TMEM117: variants seen among roughly 807,000 people sequenced by gnomAD.
The protein encoded by TMEM117 is transmembrane protein 117.
A neutral mutation model predicts 52.4 loss-of-function variants in TMEM117; 27 were observed. That is an observed-to-expected ratio of 0.51 (90% CI 0.38 to 0.71). The LOEUF (loss-of-function observed/expected upper bound fraction) is 0.71, where lower values mean the gene tolerates loss of function less well. Ranked by LOEUF, TMEM117 falls within the 30% of genes least tolerant of loss-of-function variation. TMEM117 has a pLI of 0.00. For missense variants in TMEM117, 556 were observed against 630.5 expected (o/e 0.88, Z 1.26); for synonymous variants, 215 against 206.3 (o/e 1.04, Z -0.36).
intron 4 of TMEM117, among the ~76,000 whole-genome samples, chr12:44,144,808 GA>G (rs112124530): frequency 0.02 from 3,027 of 152,300 alleles, 84 homozygotes; most frequent in East Asian, 0.057. Flanking sequence ...GTAATCTCTA[GA>G]AATAGCAATT....
At chr12:44,004,749 C>G (rs551330182) in intron 3 of TMEM117, among the ~76,000 whole-genome samples, 2 of 152,228 alleles carry the variant, frequency 1.3e-5, no homozygotes, top group East Asian at 3.9e-4. Context: ...CCATCACCTC[C>G]CCTCCATTTT....
intron 2 of TMEM117, among the ~76,000 whole-genome samples, chr12:43,901,700 C>T (rs1330968054): frequency 6.6e-6 from 1 of 152,166 alleles, no homozygotes; most frequent in Non-Finnish European, 1.5e-5. Flanking sequence ...AGCAGAGCAT[C>T]ACAGCGCTAC....
intron 3 of TMEM117, among the ~76,000 whole-genome samples, chr12:44,042,533 C>G (rs1311256737): frequency 2.0e-5 from 3 of 151,912 alleles, no homozygotes; most frequent in South Asian, 2.1e-4. Flanking sequence ...CTGGTGGGCA[C>G]CATCTAATCA....
chr12:43,897,347 T>G (rs918376257), intron 2 of TMEM117, among the ~76,000 whole-genome samples: 1 of 150,712 alleles, frequency 6.6e-6, no homozygotes, highest in Admixed American at 6.6e-5. Flanking sequence ...AGTCTCACAT[T>G]GTCACCTGGG....
At chr12:43,888,431 G>A (rs1944038087) in intron 2 of TMEM117, among the ~76,000 whole-genome samples, 1 of 152,012 alleles carries the variant, frequency 6.6e-6, no homozygotes, top group African/African-American at 2.4e-5. Context: ...CAGTGCGAAT[G>A]AATTGCTTAT....
At chr12:43,898,247 T>A (rs1944244259) in intron 2 of TMEM117, among the ~76,000 whole-genome samples, 1 of 152,064 alleles carries the variant, frequency 6.6e-6, no homozygotes, top group South Asian at 2.1e-4. Flanking sequence ...TTCTTGTGAC[T>A]TTATTTCCTG....
At chr12:44,364,732 C>G (rs1242772048) in intron 6 of TMEM117, among the ~76,000 whole-genome samples, 2 of 151,964 alleles carry the variant, frequency 1.3e-5, no homozygotes, top group Non-Finnish European at 2.9e-5. Flanking sequence ...GGTTTCTATG[C>G]CAAAAAATGT....
the TMEM117 span, among the ~76,000 whole-genome samples, chr12:43,813,738 C>G: frequency 1.3e-5 from 2 of 152,112 alleles, no homozygotes; most frequent in African/African-American, 4.8e-5. Flanking sequence ...GTGAACTGTT[C>G]TTTCACAAAC....
At chr12:44,326,224 C>G (rs565648409) in intron 6 of TMEM117, among the ~76,000 whole-genome samples, 1 of 151,974 alleles carries the variant, frequency 6.6e-6, no homozygotes, top group African/African-American at 2.4e-5. Context: ...AAAAAAGAAC[C>G]CTGGCTTCTG....
At chr12:44,256,572 A>G (rs563661298) in intron 5 of TMEM117, among the ~76,000 whole-genome samples, 1 of 152,218 alleles carries the variant, frequency 6.6e-6, no homozygotes, top group Admixed American at 6.6e-5. Flanking sequence ...TTGCTGCTAT[A>G]GATTACTATG....
At chr12:43,948,869 A>G (rs2137628716) in intron 3 of TMEM117, among the ~76,000 whole-genome samples, 1 of 152,114 alleles carries the variant, frequency 6.6e-6, no homozygotes, top group South Asian at 2.1e-4. Context: ...GAAGGATCTG[A>G]AAACTCGGGC....
chr12:44,153,530 A>C (rs535768668), intron 4 of TMEM117, among the ~76,000 whole-genome samples: 4 of 152,138 alleles, frequency 2.6e-5, no homozygotes, highest in Admixed American at 6.6e-5. Flanking sequence ...GTTGATTTTC[A>C]ACTTTAGAAA....
At chr12:43,963,049 T>G (rs899699328) in intron 3 of TMEM117, among the ~76,000 whole-genome samples, 4 of 151,912 alleles carry the variant, frequency 2.6e-5, no homozygotes, top group African/African-American at 7.2e-5. Context: ...ATGCTTATAT[T>G]CTTTTAGCAA....
chr12:43,956,880 A>G lies in TMEM117; in HGVS notation c.410+12538A>G, dbSNP rs968929135. Among the ~76,000 whole-genome samples, 9 of 152,342 alleles carry G rather than the reference A, an allele frequency of 5.9e-5. No individual in the cohort carries two copies. The East Asian group carries it at 1.3e-3, about 23-fold the overall frequency. ...TATGTTCATTGCAGCACTATTTACC[A>G]TAGCAAAGACATGGAATCAACCCAA... is the stretch of plus-strand genomic sequence containing the variant. On this transcript the variant is annotated intron_variant, in intron 3 of 7. Transcript: ENST00000266534.
In TMEM117 at chr12:44,088,109, A is replaced by G. The variant is rs959789955; in HGVS notation, c.411-55416A>G. Among the ~76,000 whole-genome samples the G allele has an allele frequency of 2.0e-5, 3 of 152,320 alleles. No homozygotes were observed. The East Asian group carries it at 5.8e-4, about 29-fold the overall frequency. ...CACTTCACTGTAGCTTTAGATAGTT[A>G]AGAGTGAAAAAGTCAAATAACAGCT... is the stretch of plus-strand genomic sequence containing the variant. On this transcript the variant is annotated intron_variant, in intron 3 of 7. Transcript: ENST00000266534.
intron 3 of TMEM117, among the ~76,000 whole-genome samples, chr12:43,956,408 A>G (rs1299043891): frequency 6.6e-6 from 1 of 151,968 alleles, no homozygotes; most frequent in African/African-American, 2.4e-5. Flanking sequence ...CTAAGGTCTA[A>G]TATCCAGAAT....
At chr12:44,170,738 T>C (rs1949033651) in intron 4 of TMEM117, among the ~76,000 whole-genome samples, 1 of 152,180 alleles carries the variant, frequency 6.6e-6, no homozygotes, top group Non-Finnish European at 1.5e-5. Flanking sequence ...TTTTTAAAAT[T>C]AATTATTAAA....
chr12:44,156,783 G>A (rs1948831248), intron 4 of TMEM117, among the ~76,000 whole-genome samples: 1 of 152,044 alleles, frequency 6.6e-6, no homozygotes, highest in Non-Finnish European at 1.5e-5. Context: ...GATATGAAGA[G>A]GGTTGGCTTT....
At chr12:44,260,343 T>C (rs1950306858) in intron 5 of TMEM117, among the ~76,000 whole-genome samples, 1 of 152,198 alleles carries the variant, frequency 6.6e-6, no homozygotes, top group Admixed American at 6.5e-5. Flanking sequence ...CCTTTCCTCA[T>C]ATGCTGCCTC....
Sources: allele counts gnomAD v4.1 joint callset (sites outside exome capture counted in the v4.1 genomes callset), GRCh38; gene constraint gnomAD v4.1.1; transcripts MANE v1.5; gene names NCBI Gene and HGNC (gene_info 2026-07-23, HGNC 2026-07-21).